Variants in TMPRSS6 observed in about 807,000 individuals in gnomAD.
The protein encoded by TMPRSS6 is transmembrane protease serine 6.
A neutral mutation model predicts 101.5 loss-of-function variants in TMPRSS6; 67 were observed. The observed-to-expected ratio is 0.66, with a 90% confidence interval of 0.54 to 0.81. The LOEUF is 0.81. Ranked by LOEUF, TMPRSS6 falls within the 30% of genes least tolerant of loss-of-function variation. The pLI is 0.00. For missense variants in TMPRSS6, 1,034 were observed against 1,088.7 expected, an observed-to-expected ratio of 0.95 and a Z score of 0.71; for synonymous variants, 453 against 464.9, an observed-to-expected ratio of 0.97 and a Z score of 0.33.
At chr22:37,075,562 T>A (rs1927561204) in intron 10 of TMPRSS6, among the ~76,000 whole-genome samples, 2 of 152,216 alleles carry the variant, frequency 1.3e-5, no homozygotes, top group South Asian at 4.1e-4. Flanking sequence ...TGTGAGGTTC[T>A]AGCAAGTCAG....
At chr22:37,090,777 T>G (rs116386025) in intron 6 of TMPRSS6, among the ~76,000 whole-genome samples, 3,396 of 152,216 alleles carry the variant, frequency 0.022, 127 homozygotes, top group African/African-American at 0.077. Flanking sequence ...GGCTGTAGGA[T>G]GATACACGTT....
rs755253358 is a variant in TMPRSS6 at position 37,089,748 on chromosome 22, C to A, written c.666G>T (p.Gln222His). 4.3e-6 allele frequency: 7 copies of A among 1,612,550 alleles called. No homozygotes were observed. Among genetic ancestry groups the A allele is most frequent in the Non-Finnish European group, 5.9e-6 (7 of 1,179,732 alleles). Residue 222 changes from glutamine to histidine, a missense_variant, in exon 7 of 18, where the codon CAG (glutamine) becomes CAT (histidine). Physicochemically the swap from Gln to His is conservative, Grantham distance 24. Transcript: ENST00000676104. The part of the protein sequence containing the change: ...CYRYSYVGQG[Q>H]VLRLKGPDHL... ...GGTCAGGCCCCTTCAGCCGGAGGAC[C>A]TGGCCCTGGCCCACGTAGCTGTAGC...
chr22:37,100,172 G>C (rs1220396612), intron 2 of TMPRSS6, among the ~76,000 whole-genome samples: 1 of 152,240 alleles, frequency 6.6e-6, no homozygotes, highest in Admixed American at 6.5e-5. Flanking sequence ...TCTGCATATT[G>C]GTCAGGCTGG....
At chr22:37,070,852 C>T (rs1160511363) in intron 14 of TMPRSS6, 64 bp downstream of exon 14, 2 of 1,522,774 alleles carry the variant, frequency 1.3e-6, no homozygotes, top group African/African-American at 2.7e-5. Context: ...TTCCCTCCAG[C>T]TTCCTGCTGT....
chr22:37,078,700 GAA>G (rs1927896623), intron 10 of TMPRSS6, among the ~76,000 whole-genome samples: 1 of 35,472 alleles, frequency 2.8e-5, no homozygotes, highest in Admixed American at 1.8e-4. Context: ...AGAGGAAGAG[GAA>G]GAGGAAGGAG....
chr22:37,091,166 G>A (rs527804007), intron 6 of TMPRSS6, among the ~76,000 whole-genome samples: 39 of 152,370 alleles, frequency 2.6e-4, no homozygotes, highest in South Asian at 6.2e-4. Flanking sequence ...GGGTCTGCCA[G>A]TGAACATGTT....
intron 2 of TMPRSS6, among the ~76,000 whole-genome samples, chr22:37,099,617 T>TC (rs1930121469): frequency 6.6e-6 from 1 of 152,184 alleles, no homozygotes; most frequent in East Asian, 1.9e-4. Flanking sequence ...AAGAAAAAAC[T>TC]GCCCTTAATA....
intron 7 of TMPRSS6, 34 bp downstream of exon 7, chr22:37,089,544 G>GGCCCC: frequency 3.7e-6 from 5 of 1,348,830 alleles, no homozygotes; most frequent in South Asian, 1.2e-5. Flanking sequence ...CCCTTTTCCA[G>GGCCCC]CCCTCCCTCC....
chr22:37,080,596 A>G (rs1569007681), intron 10 of TMPRSS6, among the ~76,000 whole-genome samples: 1 of 152,266 alleles, frequency 6.6e-6, no homozygotes, highest in Non-Finnish European at 1.5e-5. Context: ...GCCCATGATC[A>G]TAACTAGAGG....
intron 13 of TMPRSS6, among the ~76,000 whole-genome samples, chr22:37,071,935 G>GGATGGGTGGATGATGGATGGAT (rs1926954586): frequency 6.6e-6 from 1 of 152,042 alleles, no homozygotes; most frequent in South Asian, 2.1e-4. Context: ...GATGGATGAT[G>GGATGGGTGGATGATGGATGGAT]GATGGGTGGA....
rs144789552 is a variant in TMPRSS6 at position 37,094,287 on chromosome 22, G to C, written c.631+1264C>G. Among the ~76,000 whole-genome samples the C allele has an allele frequency of 5.9e-5, 9 of 152,178 alleles. No homozygotes were observed. The East Asian group carries it at 1.7e-3, about 29-fold the overall frequency. ...ATTCACTAGAAAAGACAACTCCAAA[G>C]GTTTGAGTTTTCTTGCCTGGTAGGA... is the stretch of plus-strand genomic sequence containing the variant. On this transcript the variant is annotated intron_variant, in intron 6 of 17. Coordinates refer to ENST00000676104, the MANE Select transcript of TMPRSS6 (RefSeq NM_001374504.1).
chr22:37,109,803 G>T (rs866596610), upstream of TMPRSS6, among the ~76,000 whole-genome samples: 3 of 152,358 alleles, frequency 2.0e-5, no homozygotes, highest in Non-Finnish European at 2.9e-5. Flanking sequence ...CCAGAGGCTG[G>T]CAGGCAGGTG....
intron 9 of TMPRSS6, 25 bp from the exon 10 acceptor site, chr22:37,084,429 G>A (rs1376749732): frequency 4.4e-6 from 7 of 1,577,650 alleles, no homozygotes; most frequent in Non-Finnish European, 6.1e-6. Context: ...CGGGCCATCA[G>A]GTGGCCCATG....
intron 11 of TMPRSS6, 95 bp from the exon 12 acceptor site, chr22:37,074,803 T>A (rs1489706312): frequency 3.8e-6 from 5 of 1,313,066 alleles, no homozygotes; most frequent in Non-Finnish European, 5.4e-6. Context: ...ACCTGTTCAC[T>A]CACACGCGCA....
chr22:37,107,917 T>C (rs1930815693), intron 1 of TMPRSS6, among the ~76,000 whole-genome samples: 1 of 152,198 alleles, frequency 6.6e-6, no homozygotes, highest in South Asian at 2.1e-4. Context: ...CTCCTCCCTG[T>C]CTGTAAGCTG....
At chr22:37,068,002 T>C (rs552586673) in intron 16 of TMPRSS6, among the ~76,000 whole-genome samples, 10 of 150,710 alleles carry the variant, frequency 6.6e-5, no homozygotes, top group Non-Finnish European at 1.3e-4. Context: ...GTCTGAATGT[T>C]GCCAACTCAT....
chr22:37,103,187 G>T lies in TMPRSS6; in HGVS notation c.202+29C>A. On this transcript the variant is annotated intron_variant, in intron 2 of 17. Transcript: ENST00000676104. This position sits in a 1 kb window ranked among gnomAD's most constrained non-coding sequence, Gnocchi z 4.4. ...CAGTCACCCCAAGTCCTCCCCAGGTGCCTCTCCCAGGCGGTCCCACAACGT... is the reference window on the plus strand; with the variant it reads ...CAGTCACCCCAAGTCCTCCCCAGGTTCCTCTCCCAGGCGGTCCCACAACGT... 5 of 1,611,884 alleles carry T rather than the reference G, an allele frequency of 3.1e-6. No homozygotes were observed. The highest frequency in any genetic ancestry group is 4.2e-6 in the Non-Finnish European group (5 of 1,178,714).
chr22:37,066,123 C>T lies in TMPRSS6; in HGVS notation c.2366G>A (p.Arg789His), dbSNP rs1393100605. The T allele has an allele frequency of 1.2e-6, 2 of 1,613,352 alleles. No homozygotes were observed. Among genetic ancestry groups the T allele is most frequent in the African/African-American group, 1.3e-5 (1 of 74,916 alleles). The change falls in exon 18 of 18, where the codon CGC (arginine) becomes CAC (histidine). Residue 789 changes from arginine (R) to histidine (H), a missense_variant. Physicochemically the swap from Arg to His is conservative, Grantham distance 29. Transcript: ENST00000676104. ...GATCCAGCTGATCACACCTGTGATG[C>T]GGGTGTAGACGCCGAAGTAGTTAGG... is the stretch of plus-strand genomic sequence containing the variant. ...GRPNYFGVYTRITGVISWIQQ... is the reference protein window; with the variant it reads ...GRPNYFGVYTHITGVISWIQQ...
intron 4 of TMPRSS6, 24 bp downstream of exon 4, chr22:37,096,624 T>C (rs1375049752): frequency 2.6e-6 from 4 of 1,555,360 alleles, no homozygotes; most frequent in Non-Finnish European, 2.6e-6. Flanking sequence ...TTGCAGGAGC[T>C]GGTCAGGGGC....
Sources: gnomAD v4.1 joint callset for allele counts (sites outside exome capture counted in the v4.1 genomes callset) on GRCh38, gnomAD v4.1.1 for gene constraint, Gnocchi (gnomAD v3.1) non-coding constraint, MANE v1.5 for transcripts, NCBI Gene and HGNC (gene_info 2026-07-23, HGNC 2026-07-21) for gene names.